Variants in SYTL2 observed in about 807,000 individuals in gnomAD.
The protein encoded by SYTL2 is synaptotagmin like 2, also known as synaptotagmin-like protein 2.
SYTL2 carries 165 observed loss-of-function variants against 198.7 expected under a neutral mutation model. The observed-to-expected ratio is 0.83, with a 90% CI of 0.73 to 0.94. SYTL2 has a LOEUF of 0.94. Among genes scored for constraint, SYTL2 ranks in the 40% least tolerant of loss-of-function variants. SYTL2 has a pLI of 0.00. For synonymous variants in SYTL2, 966 were observed against 917.7 expected (o/e 1.05, Z -0.95); for missense variants, 2,835 against 2,582.8 (o/e 1.10, Z -2.12).
At chr11:85,695,740 C>T (rs549744337) in intron 19 of SYTL2, among the ~76,000 whole-genome samples, 1 of 152,298 alleles carries the variant, frequency 6.6e-6, no homozygotes, top group African/African-American at 2.4e-5. Context: ...TACTTACTTT[C>T]TTGGACTATC....
chr11:85,703,078 C>A (rs1477059729), intron 16 of SYTL2, among the ~76,000 whole-genome samples: 1 of 151,602 alleles, frequency 6.6e-6, no homozygotes. Flanking sequence ...AAAAGGTTAG[C>A]AAAACATGGA....
chr11:85,833,098 AGAAGGAAGGAAGGAAGGAAG>A, the SYTL2 span, among the ~76,000 whole-genome samples: 29 of 32,526 alleles, frequency 8.9e-4, no homozygotes, highest in East Asian at 0.013. Flanking sequence ...AAAGAAAGAA[AGAAGGAAGGAAGGAAGGAAG>A]GAAGGAAGGA....
At chr11:85,752,332 T>C (rs1591901049) in intron 2 of SYTL2, among the ~76,000 whole-genome samples, 1 of 152,288 alleles carries the variant, frequency 6.6e-6, no homozygotes, top group East Asian at 1.9e-4. Flanking sequence ...TAGTTACAAA[T>C]GACCTCACTT....
chr11:85,704,164 A>G (rs2084777060), intron 16 of SYTL2, among the ~76,000 whole-genome samples: 1 of 152,088 alleles, frequency 6.6e-6, no homozygotes, highest in Non-Finnish European at 1.5e-5. Context: ...TATCTGAACT[A>G]TAAGAATTTT....
intron 4 of SYTL2, among the ~76,000 whole-genome samples, chr11:85,743,878 G>A (rs2090972008): frequency 6.6e-6 from 1 of 151,944 alleles, no homozygotes; most frequent in Non-Finnish European, 1.5e-5. Flanking sequence ...TTCCCCTTCT[G>A]TGGCACCTGC....
At chr11:85,836,363 G>A in the SYTL2 span, among the ~76,000 whole-genome samples, 64 of 151,738 alleles carry the variant, frequency 4.2e-4, no homozygotes, top group African/African-American at 1.4e-3. Context: ...CACCATACAC[G>A]TATACATTTA....
intron 7 of SYTL2, among the ~76,000 whole-genome samples, chr11:85,730,270 C>T (rs2089662671): frequency 6.6e-6 from 1 of 152,112 alleles, no homozygotes; most frequent in Non-Finnish European, 1.5e-5. Context: ...TGATACCAAA[C>T]CCTGGCAGAG....
Position 85,737,176 on chromosome 11 carries a change from G to A in SYTL2, c.471+399C>T, listed in dbSNP as rs1254300337. 2.0e-5 allele frequency among the ~76,000 whole-genome samples: 3 copies of A among 152,098 alleles called. No individual in the cohort carries two copies. The South Asian group carries it at 6.2e-4, about 32-fold the overall frequency. The stretch of plus-strand genomic sequence containing the variant: ...ATAGGAATCAATAACAATGTTTACT[G>A]TCTATAGTTTAATAAATTAGCAATT... On this transcript the variant is annotated intron_variant, in intron 5 of 19. Coordinates refer to ENST00000359152, the MANE Select transcript of SYTL2 (RefSeq NM_206927.4).
the SYTL2 span, among the ~76,000 whole-genome samples, chr11:85,834,960 A>G: frequency 6.6e-6 from 1 of 152,000 alleles, no homozygotes; most frequent in Non-Finnish European, 1.5e-5. Flanking sequence ...GGATGTCAGT[A>G]TGCTGACCAG....
At chr11:85,815,589 T>C (rs529174805), upstream of SYTL2, among the ~76,000 whole-genome samples, 4 of 152,208 alleles carry the variant, frequency 2.6e-5, no homozygotes, top group Non-Finnish European at 5.9e-5. Context: ...GATTATCTTG[T>C]TTGATCTTCA....
chr11:85,698,047 G>A lies in SYTL2; in HGVS notation c.6300C>T (p.His2100=). The change falls in exon 18 of 20, where the codon CAC becomes CAT. Residue 2100 remains histidine (H), a synonymous_variant. Transcript: ENST00000359152. ...GATCAAGGCATTCCTTCACCCAGAT[G>A]TGCACTTCTCCAGTTGTAGGAAGCT... ...GKKLPTTGEV[H]IWVKECLDLP... is the part of the protein sequence containing the mutation. The A allele has an allele frequency of 1.2e-6, 2 of 1,613,664 alleles. No homozygotes were observed. The highest frequency in any genetic ancestry group is 1.7e-6 in the Non-Finnish European group (2 of 1,179,736).
At position 85,725,830 on chromosome 11, in the gene SYTL2, A is replaced by G. The variant is rs2089087050; in HGVS notation, c.3528T>C (p.Asp1176=). 1 of 1,613,872 alleles carries G rather than the reference A, an allele frequency of 6.2e-7. No individual in the cohort carries two copies. Among genetic ancestry groups the G allele is most frequent in the Admixed American group, 1.7e-5 (1 of 59,982 alleles). The change falls in exon 8 of 20, where the codon GAT becomes GAC. Residue 1176 remains aspartate, a synonymous_variant. Coordinates refer to ENST00000359152, the MANE Select transcript of SYTL2 (RefSeq NM_206927.4). ...TGACTTCTTCCTCAGTATCAGCAAA[A>G]TCTGTTTTTTGAGGCCATGTCCTAT... ...SENRTWPQKT[D]FADTEEEVKG...
rs2090131397 is a variant in SYTL2, at chr11:85,734,370, T to C, written c.959A>G (p.Asp320Gly). Residue 320 changes from aspartate to glycine, a missense_variant, in exon 7 of 20, where the codon GAC (aspartate) becomes GGC (glycine). Asp to Gly is a moderately conservative substitution (Grantham distance 94). This residue lies in a region of SYTL2 where 2,645 missense variants were observed against 2,381.7 expected (regional missense o/e 1.11). Coordinates refer to ENST00000359152, the MANE Select transcript of SYTL2 (RefSeq NM_206927.4). ...CTCCAGGGAGTTTGGGGAAGAGTTG[T>C]CTTCTAAAGAATGCTCCTTCTCAGA... ...RISEKEHSLE[D>G]NSSPNSLEPL... The C allele has an allele frequency of 2.5e-6, 4 of 1,614,222 alleles. No homozygotes were observed. Among genetic ancestry groups the C allele is most frequent in the Non-Finnish European group, 8.5e-7 (1 of 1,180,022 alleles).
At chr11:85,714,759 A>G in intron 11 of SYTL2, 1 of 998,304 alleles carries the variant, frequency 1.0e-6, no homozygotes, top group Non-Finnish European at 1.3e-6. Flanking sequence ...ATTAGTTTTT[A>G]TTGAACTGGA....
At chr11:85,824,787 A>T in the SYTL2 span, among the ~76,000 whole-genome samples, 2 of 152,174 alleles carry the variant, frequency 1.3e-5, no homozygotes, top group Non-Finnish European at 2.9e-5. Context: ...GCACTAGGAG[A>T]AGTCAAAGCC....
rs561612352 is a variant in SYTL2 at position 85,727,851 on chromosome 11, G to A, written c.1507C>T (p.Arg503Cys). 32 of 1,612,176 alleles carry A rather than the reference G, an allele frequency of 2.0e-5. No individual in the cohort carries two copies. Among genetic ancestry groups the A allele is most frequent in the East Asian group, 6.7e-5 (3 of 44,882 alleles). The change falls in exon 8 of 20, where the codon CGT becomes TGT. Residue 503 changes from arginine to cysteine, a missense_variant. By Grantham distance (180) the Arg-to-Cys change is radical. Transcript: ENST00000359152. ...LPALKAKTSS[R>C]SGPYATEIKK... ...ATCTCAGTGGCATATGGACCAGAACGTGAAGATGTCTTAGCTTTTAGAGCC... is the reference window on the plus strand; with the variant it reads ...ATCTCAGTGGCATATGGACCAGAACATGAAGATGTCTTAGCTTTTAGAGCC...
chr11:85,748,525 A>T, intron 2 of SYTL2, 102 bp from the exon 3 acceptor site: 1 of 1,256,266 alleles, frequency 8.0e-7, no homozygotes, highest in Non-Finnish European at 1.1e-6. Context: ...AGATAAAATG[A>T]AGCTTTAATA....
In SYTL2 at chr11:85,725,370, C is replaced by G; in HGVS notation, c.3988G>C (p.Asp1330His). Residue 1330 changes from aspartate to histidine, a missense_variant, in exon 8 of 20, where the codon GAT (aspartate) becomes CAT (histidine). Around this residue, in one of 3 missense-constraint regions of SYTL2, gnomAD observed 2,645 missense variants for 2,381.7 expected, o/e 1.11. Transcript: ENST00000359152. ...SFGDVASPPQ[D>H]MLFPQDAHLV... ...TGAGCATCCTGGGGAAAAAGCATAT[C>G]TTGGGGAGGGCTGGCCACATCCCCA... 1 of 1,614,028 alleles carries G rather than the reference C, an allele frequency of 6.2e-7. No homozygotes were observed. Among genetic ancestry groups the G allele is most frequent in the East Asian group, 2.2e-5 (1 of 44,892 alleles).
At chr11:85,718,225 C>T in intron 10 of SYTL2, 1 of 163,862 alleles carries the variant, frequency 6.1e-6, no homozygotes. Context: ...ATAACAGAGC[C>T]AAGTAATACC....
Sources: allele counts gnomAD v4.1 joint callset (sites outside exome capture counted in the v4.1 genomes callset), GRCh38; gene constraint gnomAD v4.1.1; regional missense constraint gnomAD v4.1.1; transcripts MANE v1.5; gene names NCBI Gene and HGNC (gene_info 2026-07-23, HGNC 2026-07-21).